C18orf63: variants seen among roughly 807,000 people sequenced by gnomAD.
C18orf63 encodes chromosome 18 open reading frame 63.
Under a neutral mutation model 75.3 loss-of-function variants are expected in C18orf63, and 50 were observed. The observed-to-expected ratio is 0.66, with a 90% CI of 0.53 to 0.84. The LOEUF is 0.84. Ranked by LOEUF, C18orf63 falls within the 40% of genes least tolerant of loss-of-function variation. The pLI, the probability that C18orf63 is intolerant of heterozygous loss-of-function variation, is 0.00. For missense variants in C18orf63, 732 were observed against 800.2 expected (o/e 0.91, Z 1.03); for synonymous variants, 232 against 267.6 (o/e 0.87, Z 1.30).
chr18:74,336,192 A>G (rs1489391219), intron 7 of C18orf63, among the ~76,000 whole-genome samples: 2 of 151,774 alleles, frequency 1.3e-5, no homozygotes, highest in Non-Finnish European at 2.9e-5. Context: ...TTGTCCTTCA[A>G]CTCTGTCCTT....
Position 74,353,017 on chromosome 18 carries a change from C to G in C18orf63, c.979-229C>G, listed in dbSNP as rs745695725. Among the ~76,000 whole-genome samples the G allele has an allele frequency of 2.0e-5, 3 of 152,136 alleles. No individual in the cohort carries two copies. The South Asian group carries it at 6.2e-4, about 32-fold the overall frequency. Reference sequence around the variant, plus strand: ...AGATTTATATGAAATGTAGTATATACCTTTATCTTAAGATAGTATCTTGGA... The same window carrying G: ...AGATTTATATGAAATGTAGTATATAGCTTTATCTTAAGATAGTATCTTGGA... On this transcript the variant is annotated intron_variant, in intron 11 of 13. Coordinates refer to ENST00000579455, the MANE Select transcript of C18orf63 (RefSeq NM_001174123.2).
chr18:74,358,300 G>A lies in C18orf63; in HGVS notation c.*1853G>A, dbSNP rs1471765206. On this transcript the variant is annotated 3_prime_UTR_variant, in exon 14 of 14. Transcript: ENST00000579455. ...CCTGCCATGTTTAGTGTATTTTTTT[G>A]TATAAAGTAGGTTTGATTTTTATCT... 4.0e-5 allele frequency: 6 copies of A among 151,710 alleles called. No individual in the cohort carries two copies. The highest frequency in any genetic ancestry group is 6.6e-5 in the Admixed American group (1 of 15,248). The allele number at this position is 151,710 out of a possible 1,614,324, so 9.4% of individuals were successfully genotyped here. A position where few individuals can be genotyped will look rare whatever the true frequency, so the allele number is the denominator to read the frequency against.
chr18:74,319,512 A>T (rs1258541470), intron 2 of C18orf63, among the ~76,000 whole-genome samples: 1 of 152,112 alleles, frequency 6.6e-6, no homozygotes, highest in African/African-American at 2.4e-5. Flanking sequence ...TGTTTTTCCT[A>T]TCTTTCCCTT....
intron 8 of C18orf63, among the ~76,000 whole-genome samples, chr18:74,340,403 A>G (rs1195109268): frequency 6.6e-6 from 1 of 152,226 alleles, no homozygotes; most frequent in African/African-American, 2.4e-5. Flanking sequence ...GACACTGTTG[A>G]TGAGAATGTA....
At chr18:74,324,809 C>A (rs1984181822) in intron 4 of C18orf63, among the ~76,000 whole-genome samples, 1 of 152,130 alleles carries the variant, frequency 6.6e-6, no homozygotes, top group African/African-American at 2.4e-5. Flanking sequence ...ACACTCTTAT[C>A]CTTTTTCCAT....
At chr18:74,332,132 A>C (rs1984318562) in intron 7 of C18orf63, among the ~76,000 whole-genome samples, 1 of 152,152 alleles carries the variant, frequency 6.6e-6, no homozygotes, top group Non-Finnish European at 1.5e-5. Flanking sequence ...GAAATTGGGT[A>C]ATTTGTAAAG....
At chr18:74,324,135 C>G (rs1427758809) in intron 4 of C18orf63, among the ~76,000 whole-genome samples, 1 of 152,216 alleles carries the variant, frequency 6.6e-6, no homozygotes, top group Admixed American at 6.5e-5. Context: ...TACAGATGCA[C>G]TACAGTAAAT....
chr18:74,329,740 A>G (rs531353822), intron 6 of C18orf63, among the ~76,000 whole-genome samples: 2 of 152,338 alleles, frequency 1.3e-5, no homozygotes, highest in South Asian at 4.1e-4. Context: ...TTGGAAAAAG[A>G]GACACAGATG....
rs1353201167 is a variant in C18orf63 at position 74,358,986 on chromosome 18, C to G, written c.*2539C>G. ...TTGACTAACCAGTTGACCAATTTTG[C>G]TCTGTTTTCAAATTGCATATGATGG... is the stretch of plus-strand genomic sequence containing the variant. On this transcript the variant is annotated 3_prime_UTR_variant, in exon 14 of 14. Transcript: ENST00000579455. 2 of 151,714 alleles carry G rather than the reference C, an allele frequency of 1.3e-5. No homozygotes were observed. Among genetic ancestry groups the G allele is most frequent in the African/African-American group, 2.4e-5 (1 of 41,328 alleles). 9.4% of individuals were successfully genotyped at this position (151,714 alleles called of 1,614,324 possible). A position where few individuals can be genotyped will look rare whatever the true frequency, so the allele number is the denominator to read the frequency against.
At chr18:74,326,302 G>A (rs981626108) in intron 4 of C18orf63, among the ~76,000 whole-genome samples, 1 of 152,190 alleles carries the variant, frequency 6.6e-6, no homozygotes, top group African/African-American at 2.4e-5. Flanking sequence ...AATTTTCCTC[G>A]GCTTTCTCAT....
chr18:74,323,116 T>C (rs1984152627), intron 4 of C18orf63, among the ~76,000 whole-genome samples: 1 of 152,202 alleles, frequency 6.6e-6, no homozygotes, highest in African/African-American at 2.4e-5. Context: ...GTATTCTACA[T>C]GGTGATGAGC....
chr18:74,336,597 C>T (rs1382505668), intron 7 of C18orf63, among the ~76,000 whole-genome samples: 1 of 152,052 alleles, frequency 6.6e-6, no homozygotes, highest in Non-Finnish European at 1.5e-5. Flanking sequence ...CCTTAGCAGG[C>T]TTACCCATTT....
In C18orf63 at chr18:74,317,774, G is replaced by A. The variant is rs1288816524; in HGVS notation, c.-32-60G>A. The stretch of plus-strand genomic sequence containing the variant: ...AATATCAAATATTGTGTGCTGACTT[G>A]GTATTGGAACTCTATTGGTAAGATA... On this transcript the variant is annotated intron_variant, in intron 1 of 13. Coordinates refer to ENST00000579455, the MANE Select transcript of C18orf63 (RefSeq NM_001174123.2). The A allele has an allele frequency of 8.6e-6, 8 of 931,742 alleles. No individual in the cohort carries two copies. In the Admixed American group the frequency reaches 9.9e-5, roughly 11 times the overall value. The allele number at this position is 931,742 out of a possible 1,614,324, so 57.7% of individuals were successfully genotyped here.
intron 3 of C18orf63, among the ~76,000 whole-genome samples, chr18:74,321,486 G>A (rs112022878): frequency 1.2e-4 from 18 of 152,092 alleles, no homozygotes; most frequent in African/African-American, 4.3e-4. Context: ...TTGTATTTGT[G>A]TAGAGAGAGG....
At chr18:74,331,045 G>T (rs953233402) in intron 7 of C18orf63, 103 bp downstream of exon 7, 14 of 417,372 alleles carry the variant, frequency 3.4e-5, no homozygotes, top group African/African-American at 1.0e-4. Context: ...AACATAAAGC[G>T]TGCTAGAAAG....
rs1984820768 is a variant in C18orf63, at chr18:74,359,016, T to C, written c.*2569T>C. On this transcript the variant is annotated 3_prime_UTR_variant, in exon 14 of 14. Transcript: ENST00000579455. ...TTTTCAAATTGCATATGATGGGGTA[T>C]TATGCTGAAACTGCTAATATATTGG... The C allele has an allele frequency of 6.6e-6, 1 of 152,204 alleles. No individual in the cohort carries two copies. The highest frequency in any genetic ancestry group is 2.1e-4 in the South Asian group (1 of 4,836). The allele number at this position is 152,204 out of a possible 1,614,324, so 9.4% of individuals were successfully genotyped here.
chr18:74,325,193 C>G (rs1026009843), intron 4 of C18orf63, among the ~76,000 whole-genome samples: 4 of 152,090 alleles, frequency 2.6e-5, no homozygotes, highest in Non-Finnish European at 4.4e-5. Context: ...TTCCTAAACA[C>G]GTTCGTGCTA....
In C18orf63 at chr18:74,354,191, C is replaced by T. The variant is rs1198574117; in HGVS notation, c.1924C>T (p.Pro642Ser). The T allele has an allele frequency of 1.3e-6, 2 of 1,536,182 alleles. No individual in the cohort carries two copies. The highest frequency in any genetic ancestry group is 4.9e-5 in the East Asian group (2 of 40,902). Residue 642 changes from proline to serine, a missense_variant, in exon 12 of 14, where the codon CCA becomes TCA. By Grantham distance (74) the Pro-to-Ser change is moderately conservative. Coordinates refer to ENST00000579455, the MANE Select transcript of C18orf63 (RefSeq NM_001174123.2). ...IAHRSKRKLC[P>S]ESSKTSKKHH... ...CCACAGGTCTAAAAGAAAATTATGT[C>T]CAGAGTCTTCCAAAACTTCAAAGAA...
At chr18:74,317,654 T>G (rs1286952844) in intron 1 of C18orf63, among the ~76,000 whole-genome samples, 180 bp from the exon 2 acceptor site, 2 of 152,158 alleles carry the variant, frequency 1.3e-5, no homozygotes, top group Non-Finnish European at 2.9e-5. Flanking sequence ...CCAAAAATCC[T>G]AGAAAATCAT....
Sources: gnomAD v4.1 joint callset for allele counts (sites outside exome capture counted in the v4.1 genomes callset) on GRCh38, gnomAD v4.1.1 for gene constraint, MANE v1.5 for transcripts, NCBI Gene and HGNC (gene_info 2026-07-23, HGNC 2026-07-21) for gene names.